VAT1L: variants seen among roughly 807,000 people sequenced by gnomAD.
The protein encoded by VAT1L is putative NADPH-dependent quinone oxidoreductase VAT1L.
A neutral mutation model predicts 44.1 loss-of-function variants in VAT1L; 34 were observed. The ratio of observed to expected loss-of-function variants is 0.77; its 90% CI spans 0.59 to 1.03. The LOEUF is 1.03. Ranked by LOEUF, VAT1L falls within the 50% of genes least tolerant of loss-of-function variation. The probability of loss-of-function intolerance (pLI) is 0.00; values close to 1 mark genes in which losing one functional copy is unlikely to be tolerated. For synonymous variants in VAT1L, 253 were observed against 202.2 expected, an observed-to-expected ratio of 1.25 and a Z score of -2.13; for missense variants, 615 against 538.8, an observed-to-expected ratio of 1.14 and a Z score of -1.40.
At chr16:77,931,644 T>G (rs1161929213) in intron 7 of VAT1L, among the ~76,000 whole-genome samples, 1 of 152,244 alleles carries the variant, frequency 6.6e-6, no homozygotes, top group African/African-American at 2.4e-5. Flanking sequence ...ATTATTTTTG[T>G]AAGCATGGAT....
chr16:77,839,472 C>A (rs1295599644), intron 3 of VAT1L, among the ~76,000 whole-genome samples: 1 of 129,616 alleles, frequency 7.7e-6, no homozygotes, highest in Non-Finnish European at 1.6e-5. Flanking sequence ...GGAGGCAGAG[C>A]TTGCAGTGAG....
chr16:77,826,526 G>C (rs1012751843), intron 3 of VAT1L, among the ~76,000 whole-genome samples: 5 of 152,340 alleles, frequency 3.3e-5, no homozygotes, highest in South Asian at 2.1e-4. Context: ...AGCGTCATCT[G>C]TCAGGTGTGT....
At chr16:77,977,556 G>C in intron 8 of VAT1L, 41 bp from the exon 9 acceptor site, 1 of 1,599,146 alleles carries the variant, frequency 6.3e-7, no homozygotes, top group Non-Finnish European at 8.6e-7. Flanking sequence ...TGACGAGGCT[G>C]GGTTGCACAA....
intron 1 of VAT1L, among the ~76,000 whole-genome samples, chr16:77,815,431 A>G (rs1040388940): frequency 3.9e-5 from 6 of 152,222 alleles, no homozygotes; most frequent in Non-Finnish European, 8.8e-5. Flanking sequence ...GATGCCTTCA[A>G]GGAGGTTGCA....
intron 7 of VAT1L, among the ~76,000 whole-genome samples, chr16:77,940,409 T>C (rs1206485835): frequency 7.0e-6 from 1 of 143,314 alleles, no homozygotes; most frequent in Admixed American, 7.5e-5. Context: ...AGCGGCACAG[T>C]CTTGGCTCAC....
At chr16:77,812,085 T>C (rs1195539394) in intron 1 of VAT1L, among the ~76,000 whole-genome samples, 3 of 8,386 alleles carry the variant, frequency 3.6e-4, no homozygotes, top group Non-Finnish European at 3.0e-4. Flanking sequence ...TCCTTGAATC[T>C]TTTTTTTTTT....
chr16:77,819,233 C>A (rs533235933), intron 2 of VAT1L, among the ~76,000 whole-genome samples: 1 of 152,164 alleles, frequency 6.6e-6, no homozygotes, highest in East Asian at 1.9e-4. Flanking sequence ...GTTCATTACA[C>A]TCTGTGCTGA....
chr16:77,885,092 G>A (rs1381785564), intron 7 of VAT1L, among the ~76,000 whole-genome samples: 1 of 152,162 alleles, frequency 6.6e-6, no homozygotes, highest in East Asian at 1.9e-4. Flanking sequence ...GTGGTTACAA[G>A]AGCATGTGTA....
At chr16:77,868,698 C>G (rs1489468092) in intron 4 of VAT1L, among the ~76,000 whole-genome samples, 1 of 152,116 alleles carries the variant, frequency 6.6e-6, no homozygotes, top group Non-Finnish European at 1.5e-5. Context: ...GGGAGGAAGC[C>G]AGATTGCCTG....
At chr16:77,810,101 C>A (rs1010073122) in intron 1 of VAT1L, among the ~76,000 whole-genome samples, 1 of 152,174 alleles carries the variant, frequency 6.6e-6, no homozygotes, top group Admixed American at 6.5e-5. Context: ...ATCCTCTGGA[C>A]TAAGATCAAA....
At chr16:77,855,520 A>G (rs189231836) in intron 3 of VAT1L, among the ~76,000 whole-genome samples, 1 of 152,092 alleles carries the variant, frequency 6.6e-6, no homozygotes, top group Non-Finnish European at 1.5e-5. Flanking sequence ...ATGTCCAAAA[A>G]CATAGTGCAC....
intron 7 of VAT1L, among the ~76,000 whole-genome samples, chr16:77,908,901 A>T (rs969820725): frequency 3.3e-5 from 5 of 152,060 alleles, no homozygotes; most frequent in African/African-American, 1.2e-4. Flanking sequence ...GCGACAGAGC[A>T]AGACCCCGTC....
intron 7 of VAT1L, among the ~76,000 whole-genome samples, chr16:77,905,076 G>A (rs578133715): frequency 2.0e-5 from 3 of 152,222 alleles, no homozygotes; most frequent in South Asian, 4.1e-4. Flanking sequence ...CAAGTAAGAG[G>A]AATTCAAATC....
intron 4 of VAT1L, among the ~76,000 whole-genome samples, chr16:77,868,583 G>A (rs1012771818): frequency 7.2e-5 from 11 of 152,302 alleles, no homozygotes; most frequent in South Asian, 2.1e-4. Flanking sequence ...ACAAATAGAC[G>A]TGACGGGACT....
intron 7 of VAT1L, among the ~76,000 whole-genome samples, chr16:77,899,934 T>G (rs1323497225): frequency 6.6e-6 from 1 of 152,246 alleles, no homozygotes; most frequent in African/African-American, 2.4e-5. Context: ...CCAATTTCAT[T>G]GCATTTTTAT....
At chr16:77,802,627 C>CACACACACACACACACAA (rs1191221155) in intron 1 of VAT1L, among the ~76,000 whole-genome samples, 6 of 69,498 alleles carry the variant, frequency 8.6e-5, no homozygotes, top group Non-Finnish European at 1.5e-4. Flanking sequence ...CACACACACA[C>CACACACACACACACACAA]ACACACACAC....
At chr16:77,867,113 C>G (rs376633203) in intron 4 of VAT1L, among the ~76,000 whole-genome samples, 7 of 152,098 alleles carry the variant, frequency 4.6e-5, no homozygotes, top group African/African-American at 1.7e-4. Context: ...GTGAACATTC[C>G]TCATTTTACA....
chr16:77,866,774 TTC>T (rs1456835850), intron 4 of VAT1L, among the ~76,000 whole-genome samples: 1 of 152,192 alleles, frequency 6.6e-6, no homozygotes, highest in African/African-American at 2.4e-5. Context: ...ATCCGTTACT[TTC>T]TCTCTCTTTA....
intron 2 of VAT1L, among the ~76,000 whole-genome samples, chr16:77,817,855 C>A (rs2016382694): frequency 6.6e-6 from 1 of 152,094 alleles, no homozygotes; most frequent in Admixed American, 6.6e-5. Context: ...AAATCAGGTA[C>A]AAGGGCTCTT....
Sources: allele counts gnomAD v4.1 joint callset (sites outside exome capture counted in the v4.1 genomes callset), GRCh38; gene constraint gnomAD v4.1.1; transcripts MANE v1.5; gene names NCBI Gene and HGNC (gene_info 2026-07-23, HGNC 2026-07-21).